WAPL: variants seen among roughly 807,000 people sequenced by gnomAD.
WAPL encodes the protein WAPL cohesin release factor.
A neutral mutation model predicts 121.0 loss-of-function variants in WAPL; 5 were observed. The ratio of observed to expected loss-of-function variants is 0.04; its 90% CI spans 0.02 to 0.09. WAPL has a LOEUF of 0.09. WAPL is among the 10% of genes least tolerant of loss of function. WAPL has a pLI of 1.00. For missense variants in WAPL, 999 were observed against 1,410.8 expected, an observed-to-expected ratio of 0.71 and a Z score of 4.68; for synonymous variants, 480 against 481.5, an observed-to-expected ratio of 1.00 and a Z score of 0.04.
rs1849302476 is a variant in WAPL, at chr10:86,435,680, T to TA, written c.*1862dup. 6.6e-6 allele frequency: 1 copy of TA among 152,384 alleles called. No individual in the cohort carries two copies. The allele number at this position is 152,384 out of a possible 1,614,324, so 9.4% of individuals were successfully genotyped here. On this transcript the variant is annotated 3_prime_UTR_variant, in exon 19 of 19. Transcript: ENST00000298767. ...AAAACAAAACAAAACAAAAAACTGT[T>TA]AAACACTGAGGTAAATCAATTTTCA...
chr10:86,516,477 A>G (rs1842558462), intron 2 of WAPL, among the ~76,000 whole-genome samples: 1 of 152,178 alleles, frequency 6.6e-6, no homozygotes, highest in Non-Finnish European at 1.5e-5. Context: ...TCCTTTCAAA[A>G]TAGGAGATTT....
At chr10:86,470,036 T>A (rs1398980959) in intron 8 of WAPL, among the ~76,000 whole-genome samples, 1 of 151,422 alleles carries the variant, frequency 6.6e-6, no homozygotes, top group East Asian at 1.9e-4. Flanking sequence ...CAAACTAACT[T>A]CTTTTTTTTT....
rs757484885 is a variant in WAPL at position 86,499,803 on chromosome 10, A to C, written c.1440T>G (p.Thr480=). 2 of 1,613,278 alleles carry C rather than the reference A, an allele frequency of 1.2e-6. No individual in the cohort carries two copies. The highest frequency in any genetic ancestry group is 3.3e-5 in the Admixed American group (2 of 59,798). ...GCAAGGAGGGTGATGGAGCTGTTTT[A>C]GTTCTTTTTTTGCTTGTCTTTCTTT... is the stretch of plus-strand genomic sequence containing the variant. ...QVERKTSKKR[T]KTAPSPSLQP... The change falls in exon 3 of 19, where the codon ACT becomes ACG. Residue 480 remains threonine (T), a synonymous_variant. Transcript: ENST00000298767.
At chr10:86,521,195 A>C (rs2132239686) in intron 1 of WAPL, among the ~76,000 whole-genome samples, 170 bp downstream of exon 1, 1 of 152,308 alleles carries the variant, frequency 6.6e-6, no homozygotes, top group East Asian at 1.9e-4. Context: ...AACTCCGAAA[A>C]AGGAAAATAA....
intron 12 of WAPL, among the ~76,000 whole-genome samples, chr10:86,454,968 C>A (rs535344058): frequency 6.6e-6 from 1 of 151,762 alleles, no homozygotes; most frequent in African/African-American, 2.4e-5. Context: ...GGCAGCCGCC[C>A]GGTCTGGGAA....
At chr10:86,457,196 G>C (rs1351151699) in intron 12 of WAPL, among the ~76,000 whole-genome samples, 2 of 152,076 alleles carry the variant, frequency 1.3e-5, no homozygotes, top group African/African-American at 2.4e-5. Context: ...TGCGGTAAGA[G>C]CACTAAATAC....
intron 16 of WAPL, 79 bp downstream of exon 16, chr10:86,446,163 C>A: frequency 2.0e-6 from 3 of 1,503,942 alleles, no homozygotes; most frequent in Admixed American, 3.4e-5. Flanking sequence ...AGACAATCTG[C>A]AAATTAAAAT....
chr10:86,438,079 ATGT>A (rs1206941947), intron 17 of WAPL, 64 bp from the exon 18 acceptor site: 12 of 1,258,542 alleles, frequency 9.5e-6, no homozygotes, highest in Middle Eastern at 1.9e-4. Context: ...ACCTCGTACA[ATGT>A]TGTTGGTTTT....
At chr10:86,446,545 C>T (rs1849623765) in intron 15 of WAPL, 96 bp from the exon 16 acceptor site, 1 of 1,289,304 alleles carries the variant, frequency 7.8e-7, no homozygotes, top group African/African-American at 1.5e-5. Context: ...AAATCTATCA[C>T]TAACTCTAAG....
At chr10:86,454,619 A>G (rs2132175379) in intron 12 of WAPL, among the ~76,000 whole-genome samples, 1 of 152,286 alleles carries the variant, frequency 6.6e-6, no homozygotes, top group Non-Finnish European at 1.5e-5. Flanking sequence ...TTGGCCTCCC[A>G]AAGTGCGGAG....
intron 9 of WAPL, among the ~76,000 whole-genome samples, chr10:86,466,489 G>A (rs1474200765): frequency 6.6e-6 from 1 of 152,048 alleles, no homozygotes. Flanking sequence ...AGGATCACTT[G>A]AGCCCAGGGG....
At chr10:86,485,198 T>G (rs1193536060) in intron 4 of WAPL, among the ~76,000 whole-genome samples, 1 of 150,770 alleles carries the variant, frequency 6.6e-6, no homozygotes, top group African/African-American at 2.4e-5. Flanking sequence ...TCCTGGGAAA[T>G]AAGAGTAAAA....
intron 2 of WAPL, among the ~76,000 whole-genome samples, chr10:86,510,278 T>A (rs1427935732): frequency 6.6e-6 from 1 of 152,042 alleles, no homozygotes; most frequent in Non-Finnish European, 1.5e-5. Flanking sequence ...TCTCACCATG[T>A]TGGTCAGGCT....
intron 14 of WAPL, among the ~76,000 whole-genome samples, chr10:86,452,616 C>CAA (rs202162889): frequency 2.6e-5 from 4 of 151,486 alleles, no homozygotes; most frequent in African/African-American, 9.7e-5. Context: ...AAAAAAAGAA[C>CAA]AAAAAAAACA....
At chr10:86,477,082 C>T (rs1178644539) in intron 4 of WAPL, among the ~76,000 whole-genome samples, 2 of 152,002 alleles carry the variant, frequency 1.3e-5, no homozygotes, top group East Asian at 1.9e-4. Flanking sequence ...CAGTGTCTTA[C>T]AAGATTAATA....
intron 15 of WAPL, among the ~76,000 whole-genome samples, chr10:86,448,425 TG>T (rs907042848): frequency 1.3e-5 from 2 of 152,280 alleles, no homozygotes; most frequent in African/African-American, 4.8e-5. Flanking sequence ...TACTTCAGCC[TG>T]GGTAAAAGAG....
At chr10:86,481,668 G>A (rs755058061) in intron 4 of WAPL, among the ~76,000 whole-genome samples, 5 of 151,740 alleles carry the variant, frequency 3.3e-5, no homozygotes, top group South Asian at 2.1e-4. Flanking sequence ...CCACCGCGCC[G>A]GGCTGAAAAA....
intron 15 of WAPL, among the ~76,000 whole-genome samples, chr10:86,451,496 T>G (rs1272638129): frequency 6.6e-6 from 1 of 152,082 alleles, no homozygotes; most frequent in Non-Finnish European, 1.5e-5. Context: ...GTTCAAGTGA[T>G]TCTCCTGCCT....
chr10:86,446,727 C>CA (rs1470893845), intron 15 of WAPL, among the ~76,000 whole-genome samples: 2 of 151,972 alleles, frequency 1.3e-5, no homozygotes, highest in East Asian at 1.9e-4. Context: ...GAAATTCAAG[C>CA]AAAAAAATAC....
Sources: gnomAD v4.1 joint callset for allele counts (sites outside exome capture counted in the v4.1 genomes callset) on GRCh38, gnomAD v4.1.1 for gene constraint, MANE v1.5 for transcripts, NCBI Gene and HGNC (gene_info 2026-07-23, HGNC 2026-07-21) for gene names.